GALNT18: variants seen among roughly 807,000 people sequenced by gnomAD.
GALNT18 encodes the protein GalNAc-transferase 18.
In GALNT18, 44 loss-of-function variants were observed where a neutral mutation model predicts 69.5. That is an observed-to-expected ratio of 0.63 (90% CI 0.50 to 0.81). GALNT18 has a LOEUF of 0.81. GALNT18 is among the 40% of genes least tolerant of loss of function. The pLI is 0.00. For synonymous variants in GALNT18, 364 were observed against 318.2 expected, an observed-to-expected ratio of 1.14 and a Z score of -1.53; for missense variants, 715 against 810.0, an observed-to-expected ratio of 0.88 and a Z score of 1.42.
chr11:11,399,465 T>C (rs1235419120), intron 3 of GALNT18, among the ~76,000 whole-genome samples: 1 of 144,992 alleles, frequency 6.9e-6, no homozygotes, highest in African/African-American at 2.5e-5. Flanking sequence ...CAGCCCAGCA[T>C]AGTTTTTTTT....
chr11:11,378,321 A>G (rs1853824370), intron 4 of GALNT18, among the ~76,000 whole-genome samples: 1 of 152,196 alleles, frequency 6.6e-6, no homozygotes, highest in South Asian at 2.1e-4. Flanking sequence ...GACAACAGGC[A>G]TATTGATAAA....
chr11:11,594,035 T>C (rs929388527), intron 1 of GALNT18, among the ~76,000 whole-genome samples: 3 of 152,224 alleles, frequency 2.0e-5, no homozygotes, highest in Non-Finnish European at 2.9e-5. Context: ...ATTCTCCGTT[T>C]TGGAATTGAA....
intron 6 of GALNT18, among the ~76,000 whole-genome samples, chr11:11,346,955 C>A (rs542964413): frequency 6.8e-4 from 103 of 152,130 alleles, no homozygotes; most frequent in Non-Finnish European, 1.3e-3. Flanking sequence ...ATAATGATTC[C>A]CCAGGTTTAA....
chr11:11,330,554 G>A (rs937503523), intron 8 of GALNT18, among the ~76,000 whole-genome samples: 14 of 152,116 alleles, frequency 9.2e-5, no homozygotes, highest in Admixed American at 4.6e-4. Flanking sequence ...ATGTGTAGGG[G>A]GTCAGAGCCC....
intron 10 of GALNT18, among the ~76,000 whole-genome samples, chr11:11,275,606 C>T (rs1848927131): frequency 6.6e-6 from 1 of 152,176 alleles, no homozygotes; most frequent in Admixed American, 6.5e-5. Flanking sequence ...AAGTCTTTGC[C>T]CATGCCGATG....
chr11:11,385,298 A>ATT (rs113464471), intron 3 of GALNT18, among the ~76,000 whole-genome samples: 217 of 146,258 alleles, frequency 1.5e-3, no homozygotes, highest in Middle Eastern at 7.1e-3. Context: ...TGGGGATCAA[A>ATT]TTTTTTTTTT....
rs1857165179 is a variant in GALNT18 at position 11,511,512 on chromosome 11, T to C, written c.236-62576A>G. 6.6e-6 allele frequency among the ~76,000 whole-genome samples: 1 copy of C among 152,236 alleles called. No individual in the cohort carries two copies. Among genetic ancestry groups the C allele is most frequent in the Non-Finnish European group, 1.5e-5 (1 of 68,050 alleles). ...GGCTAATGCAGTGGTTCTTTACTTC[T>C]GAGCCACTCACCCCTCAGAAAATCT... is the stretch of plus-strand genomic sequence containing the variant. On this transcript the variant is annotated intron_variant, in intron 1 of 10. Transcript: ENST00000227756. This position sits in a 1 kb window ranked among gnomAD's most constrained non-coding sequence, Gnocchi z 4.9.
intron 3 of GALNT18, among the ~76,000 whole-genome samples, chr11:11,386,461 C>A (rs553449780): frequency 6.6e-6 from 1 of 152,106 alleles, no homozygotes; most frequent in African/African-American, 2.4e-5. Flanking sequence ...CACCAAGGGC[C>A]CCACCAATTG....
chr11:11,293,215 G>A, intron 9 of GALNT18, 22 bp from the exon 10 acceptor site: 1 of 1,316,944 alleles, frequency 7.6e-7, no homozygotes, highest in Non-Finnish European at 9.8e-7. Context: ...GGGAGGGAGA[G>A]AGTGTGGATA....
chr11:11,556,778 T>C (rs773840108), intron 1 of GALNT18, among the ~76,000 whole-genome samples: 11 of 152,228 alleles, frequency 7.2e-5, no homozygotes, highest in Non-Finnish European at 1.5e-4. Context: ...TATCCAATTA[T>C]GAGCAATAGA....
In GALNT18 at chr11:11,563,874, T is replaced by C. The variant is rs549222371; in HGVS notation, c.235+57485A>G. On this transcript the variant is annotated intron_variant, in intron 1 of 10. Coordinates refer to ENST00000227756, the MANE Select transcript of GALNT18 (RefSeq NM_198516.3). The surrounding 1 kb of genome is among the most constrained non-coding windows in gnomAD (Gnocchi z 4.6). ...TTTCCCAGGATTTGGGAGCAAATTT[T>C]TGCAAAGCTCCCCAAAGCATTTTGA... 6.6e-6 allele frequency among the ~76,000 whole-genome samples: 1 copy of C among 152,298 alleles called. No homozygotes were observed. The highest frequency in any genetic ancestry group is 1.9e-4 in the East Asian group (1 of 5,184).
At chr11:11,447,984 G>T (rs1466568613) in intron 2 of GALNT18, among the ~76,000 whole-genome samples, 1 of 152,176 alleles carries the variant, frequency 6.6e-6, no homozygotes, top group African/African-American at 2.4e-5. Flanking sequence ...TCCTAGCCGA[G>T]CCAGGTTCTC....
chr11:11,283,686 G>C (rs1011896679), intron 10 of GALNT18, among the ~76,000 whole-genome samples: 1 of 152,112 alleles, frequency 6.6e-6, no homozygotes, highest in Non-Finnish European at 1.5e-5. Flanking sequence ...ACAGTCATTT[G>C]GTTCACCAGC....
intron 3 of GALNT18, among the ~76,000 whole-genome samples, chr11:11,386,923 G>A (rs1854072463): frequency 6.6e-6 from 1 of 152,150 alleles, no homozygotes. Flanking sequence ...TACCATCCCA[G>A]CAAAGAGTCT....
chr11:11,485,933 C>T (rs749797667), intron 1 of GALNT18, among the ~76,000 whole-genome samples: 55 of 152,168 alleles, frequency 3.6e-4, no homozygotes, highest in South Asian at 1.3e-3. Context: ...TCTAGGGAGG[C>T]CTATTGTGAT....
chr11:11,512,639 C>T (rs1169540925), intron 1 of GALNT18, among the ~76,000 whole-genome samples: 1 of 152,164 alleles, frequency 6.6e-6, no homozygotes, highest in African/African-American at 2.4e-5. Context: ...AGACCTTATC[C>T]AACCTAATTT....
intron 9 of GALNT18, among the ~76,000 whole-genome samples, chr11:11,307,275 T>C (rs1849594992): frequency 6.6e-6 from 1 of 152,202 alleles, no homozygotes; most frequent in African/African-American, 2.4e-5. Context: ...TTGTAAAGTA[T>C]ATGGCACACA....
At position 11,308,672 on chromosome 11, in the gene GALNT18, T is replaced by A. The variant is rs1487552242; in HGVS notation, c.1513-15479A>T. ...CCTGGTGCCTCTTCTACACCTCCAC[T>A]CTTCCACCCTAGTGTAAAAAACATC... is the stretch of plus-strand genomic sequence containing the variant. On this transcript the variant is annotated intron_variant, in intron 9 of 10. Transcript: ENST00000227756. 2.6e-5 allele frequency among the ~76,000 whole-genome samples: 4 copies of A among 152,156 alleles called. 1 individual carries two copies. Among genetic ancestry groups the A allele is most frequent in the African/African-American group, 9.7e-5 (4 of 41,436 alleles).
chr11:11,432,599 C>A lies in GALNT18; in HGVS notation c.595+22G>T, dbSNP rs756345579. 7.5e-6 allele frequency: 12 copies of A among 1,590,358 alleles called. No homozygotes were observed. Among genetic ancestry groups the A allele is most frequent in the Non-Finnish European group, 8.6e-6 (10 of 1,166,668 alleles). ...GTCAGCCAGGAAGTAGGGCCTGGGC[C>A]CTGGGAAGCTCCGACACTCACCGTT... On this transcript the variant is annotated intron_variant, in intron 3 of 10. Transcript: ENST00000227756. The surrounding 1 kb of genome is among the most constrained non-coding windows in gnomAD (Gnocchi z 5.8).
Sources: allele counts gnomAD v4.1 joint callset (sites outside exome capture counted in the v4.1 genomes callset), GRCh38; gene constraint gnomAD v4.1.1; non-coding constraint Gnocchi (gnomAD v3.1); transcripts MANE v1.5; gene names NCBI Gene and HGNC (gene_info 2026-07-23, HGNC 2026-07-21).